FRMD4A: variants seen among roughly 807,000 people sequenced by gnomAD.
FRMD4A encodes the protein FERM domain containing 4A.
A neutral mutation model predicts 129.1 loss-of-function variants in FRMD4A; 29 were observed. The ratio of observed to expected loss-of-function variants is 0.22; its 90% CI spans 0.17 to 0.31. The LOEUF is 0.31. FRMD4A is among the 10% of genes least tolerant of loss of function. The pLI, the probability that FRMD4A is intolerant of heterozygous loss-of-function variation, is 1.00. For missense variants in FRMD4A, 1,272 were observed against 1,375.8 expected (o/e 0.92, Z 1.19); for synonymous variants, 634 against 571.6 (o/e 1.11, Z -1.56).
chr10:14,323,177 T>C (rs974530739), intron 2 of FRMD4A, among the ~76,000 whole-genome samples: 11 of 152,344 alleles, frequency 7.2e-5, no homozygotes, highest in Middle Eastern at 6.8e-3. Flanking sequence ...AAGACAGAAC[T>C]GGGCAACTTG....
At chr10:13,931,656 G>A (rs527932222) in intron 2 of FRMD4A, among the ~76,000 whole-genome samples, 27 of 152,060 alleles carry the variant, frequency 1.8e-4, no homozygotes, top group Admixed American at 4.6e-4. Flanking sequence ...ATGCAATTAA[G>A]GTTGGGTGTG....
chr10:13,760,158 G>C (rs1451737143), intron 8 of FRMD4A, among the ~76,000 whole-genome samples: 1 of 151,934 alleles, frequency 6.6e-6, no homozygotes, highest in Non-Finnish European at 1.5e-5. Context: ...TTATCCTATG[G>C]GGCTGCTTTT....
chr10:14,072,665 T>A (rs1428175540), intron 2 of FRMD4A, among the ~76,000 whole-genome samples: 2 of 152,158 alleles, frequency 1.3e-5, no homozygotes, highest in Non-Finnish European at 2.9e-5. Flanking sequence ...GGACCATTTA[T>A]CAGTTATTTT....
intron 2 of FRMD4A, among the ~76,000 whole-genome samples, chr10:13,959,181 G>T (rs2095429880): frequency 6.6e-6 from 1 of 152,130 alleles, no homozygotes; most frequent in Admixed American, 6.5e-5. Context: ...ATATTCAAAA[G>T]CTGTGAGTGG....
At chr10:13,715,350 G>T (rs187947484) in intron 12 of FRMD4A, among the ~76,000 whole-genome samples, 2 of 152,228 alleles carry the variant, frequency 1.3e-5, no homozygotes, top group East Asian at 3.9e-4. Flanking sequence ...CAATTCTTTG[G>T]AATTTAAAAA....
intron 2 of FRMD4A, among the ~76,000 whole-genome samples, chr10:14,115,265 G>A (rs957003433): frequency 6.6e-6 from 1 of 152,216 alleles, no homozygotes; most frequent in Non-Finnish European, 1.5e-5. Flanking sequence ...CTTGCACGCT[G>A]CAGGTATAGG....
chr10:13,798,340 A>G (rs556493851), intron 4 of FRMD4A, among the ~76,000 whole-genome samples: 2 of 152,120 alleles, frequency 1.3e-5, no homozygotes, highest in East Asian at 1.9e-4. Flanking sequence ...TGAACCCGGG[A>G]GATGGAGGTT....
chr10:13,657,429 G>T lies in FRMD4A; in HGVS notation c.2160C>A (p.Gly720=). 1.9e-6 allele frequency: 3 copies of T among 1,612,820 alleles called. No individual in the cohort carries two copies. Among genetic ancestry groups the T allele is most frequent in the Non-Finnish European group, 8.5e-7 (1 of 1,179,912 alleles). The change falls in exon 22 of 25, where the codon GGC becomes GGA. Residue 720 remains glycine, a synonymous_variant. Transcript: ENST00000357447. ...SSLESQGKLL[G]SENDTGSPDF... is the part of the protein sequence containing the mutation. Reference sequence around the variant, plus strand: ...CGGGGCTCCCGGTGTCGTTTTCCGAGCCCAGGAGCTTGCCCTGGGACTCCA... The same window carrying T: ...CGGGGCTCCCGGTGTCGTTTTCCGATCCCAGGAGCTTGCCCTGGGACTCCA...
chr10:14,104,584 C>T (rs1302801892), intron 2 of FRMD4A, among the ~76,000 whole-genome samples: 1 of 152,206 alleles, frequency 6.6e-6, no homozygotes, highest in African/African-American at 2.4e-5. Flanking sequence ...GGCCCTGGCC[C>T]CATCTGTGCT....
At chr10:14,231,562 G>A (rs2131988529) in intron 2 of FRMD4A, among the ~76,000 whole-genome samples, 1 of 152,190 alleles carries the variant, frequency 6.6e-6, no homozygotes, top group East Asian at 1.9e-4. Flanking sequence ...TAGCCAGGAT[G>A]GTCTCGATCT....
chr10:13,758,657 G>C (rs906114139), intron 8 of FRMD4A, among the ~76,000 whole-genome samples: 1 of 151,966 alleles, frequency 6.6e-6, no homozygotes, highest in East Asian at 1.9e-4. Context: ...TGTGAGGTGG[G>C]AGCCTGTTGG....
chr10:13,857,399 C>T (rs1442502392), intron 3 of FRMD4A, among the ~76,000 whole-genome samples: 1 of 152,114 alleles, frequency 6.6e-6, no homozygotes, highest in Non-Finnish European at 1.5e-5. Context: ...ACTATGATTA[C>T]AGCCATGCAA....
rs746549107 is a variant in FRMD4A at position 13,675,031 on chromosome 10, T to C, written c.1131A>G (p.Ser377=). The change falls in exon 16 of 25, where the codon TCA becomes TCG. Residue 377 remains serine, a synonymous_variant. Transcript: ENST00000357447. ...GSLLSSGSQE[S]DSSQSAKKDM... is the part of the protein sequence containing the mutation. ...CCTTCTTGGCCGACTGCGAGCTATCTGATTCCTGAGAACCTGTCGATAAAC... is the reference window on the plus strand; with the variant it reads ...CCTTCTTGGCCGACTGCGAGCTATCCGATTCCTGAGAACCTGTCGATAAAC... The C allele has an allele frequency of 6.2e-7, 1 of 1,613,248 alleles. No homozygotes were observed. Among genetic ancestry groups the C allele is most frequent in the Admixed American group, 1.7e-5 (1 of 60,020 alleles).
intron 2 of FRMD4A, among the ~76,000 whole-genome samples, chr10:14,287,662 T>A (rs1310142390): frequency 6.6e-6 from 1 of 152,128 alleles, no homozygotes; most frequent in African/African-American, 2.4e-5. Context: ...ATATTTCTCT[T>A]TTCACTAGTT....
chr10:13,946,180 C>T (rs963667170), intron 2 of FRMD4A, among the ~76,000 whole-genome samples: 1 of 152,186 alleles, frequency 6.6e-6, no homozygotes, highest in Non-Finnish European at 1.5e-5. Context: ...AAGTCAGAGG[C>T]ACATGCAAGT....
intron 2 of FRMD4A, among the ~76,000 whole-genome samples, chr10:14,279,744 A>AT (rs2132058606): frequency 6.6e-6 from 1 of 152,334 alleles, no homozygotes; most frequent in East Asian, 1.9e-4. Flanking sequence ...GTCAATGTGC[A>AT]TGATCTCATT....
chr10:13,706,749 G>GACACACACACACAC (rs3031967), intron 13 of FRMD4A, among the ~76,000 whole-genome samples: 5,874 of 146,540 alleles, frequency 0.04, 205 homozygotes, highest in East Asian at 0.14. Context: ...CACATACACT[G>GACACACACACACAC]ACACACACAC....
chr10:13,935,616 T>G (rs183054774), intron 2 of FRMD4A, among the ~76,000 whole-genome samples: 1 of 152,148 alleles, frequency 6.6e-6, no homozygotes, highest in African/African-American at 2.4e-5. Context: ...TCATCTCTGA[T>G]ATTTATTTTT....
At chr10:13,672,157 C>T (rs557269373) in intron 16 of FRMD4A, among the ~76,000 whole-genome samples, 1 of 152,212 alleles carries the variant, frequency 6.6e-6, no homozygotes, top group Non-Finnish European at 1.5e-5. Flanking sequence ...CTCCGTCACT[C>T]GCCTGCTTCT....
Sources: allele counts gnomAD v4.1 joint callset (sites outside exome capture counted in the v4.1 genomes callset), GRCh38; gene constraint gnomAD v4.1.1; transcripts MANE v1.5; gene names NCBI Gene and HGNC (gene_info 2026-07-23, HGNC 2026-07-21).